Variants in PCDHGA1 observed in about 807,000 individuals in gnomAD.
PCDHGA1 encodes protocadherin gamma-A1.
Under a neutral mutation model 58.0 loss-of-function variants are expected in PCDHGA1, and 32 were observed. The ratio of observed to expected loss-of-function variants is 0.55; its 90% CI spans 0.42 to 0.74. The LOEUF is 0.74. PCDHGA1 is among the 30% of genes least tolerant of loss of function. The pLI is 0.00. For synonymous variants in PCDHGA1, 498 were observed against 501.1 expected (o/e 0.99, Z 0.08); for missense variants, 1,205 against 1,182.3 (o/e 1.02, Z -0.28).
intron 1 of PCDHGA1, chr5:141,376,102 C>G (rs1772284190): frequency 6.2e-7 from 1 of 1,613,506 alleles, no homozygotes; most frequent in Non-Finnish European, 8.5e-7. Flanking sequence ...ACATCCTGGC[C>G]GACCTGGGCA....
chr5:141,340,775 G>T, intron 1 of PCDHGA1: 1 of 1,613,858 alleles, frequency 6.2e-7, no homozygotes, highest in Non-Finnish European at 8.5e-7. Context: ...GGGCCAGAAC[G>T]CCTGGCTGTC....
In PCDHGA1 at chr5:141,332,704, G is replaced by A. The variant is rs1344067004; in HGVS notation, c.2020G>A (p.Asp674Asn). 6.2e-7 allele frequency: 1 copy of A among 1,613,906 alleles called. No individual in the cohort carries two copies. The highest frequency in any genetic ancestry group is 8.5e-7 in the Non-Finnish European group (1 of 1,179,956). ...CGACAGGATCTCCGACATCCTGGCC[G>A]ACCTGGGCAGCCTCGAGCCCTCCGC... ...VADRISDILA[D>N]LGSLEPSAKP... Residue 674 changes from aspartate to asparagine, a missense_variant, in exon 1 of 4, where the codon GAC becomes AAC. By Grantham distance (23) the Asp-to-Asn change is conservative (BLOSUM62 1). Coordinates refer to ENST00000517417, the MANE Select transcript of PCDHGA1 (RefSeq NM_018912.3). This position sits in a 1 kb window ranked among gnomAD's most constrained non-coding sequence, Gnocchi z 4.6.
At chr5:141,355,325 G>A in intron 1 of PCDHGA1, 1 of 1,614,010 alleles carries the variant, frequency 6.2e-7, no homozygotes, top group Non-Finnish European at 8.5e-7. Flanking sequence ...CAGGAAGAAG[G>A]CTCAGTGGTG....
chr5:141,374,976 C>A, intron 1 of PCDHGA1: 1 of 1,614,016 alleles, frequency 6.2e-7, no homozygotes, highest in Non-Finnish European at 8.5e-7. Context: ...AATGTTTTGA[C>A]TGGAGAAATT....
chr5:141,375,963 G>C (rs371650654), intron 1 of PCDHGA1: 4 of 1,613,262 alleles, frequency 2.5e-6, no homozygotes, highest in Non-Finnish European at 2.5e-6. Flanking sequence ...GGCGAGGTGC[G>C]CACGGCGCGC....
At chr5:141,419,665 C>T in intron 1 of PCDHGA1, 1 of 1,612,860 alleles carries the variant, frequency 6.2e-7, no homozygotes, top group East Asian at 2.2e-5. Flanking sequence ...GGCACAATGC[C>T]TGGCTGTCCT....
intron 1 of PCDHGA1, among the ~76,000 whole-genome samples, chr5:141,455,998 T>C (rs1301217416): frequency 2.6e-5 from 4 of 151,692 alleles, no homozygotes; most frequent in Non-Finnish European, 4.4e-5. Flanking sequence ...CTCGGGTTCA[T>C]GCCATTCTCC....
Position 141,404,273 on chromosome 5 carries a change from C to A in PCDHGA1, c.2421+71168C>A, listed in dbSNP as rs751189949. 4.3e-6 allele frequency: 7 copies of A among 1,613,988 alleles called. No homozygotes were observed. The highest frequency in any genetic ancestry group is 5.9e-6 in the Non-Finnish European group (7 of 1,179,880). On this transcript the variant is annotated intron_variant, in intron 1 of 3. Coordinates refer to ENST00000517417, the MANE Select transcript of PCDHGA1 (RefSeq NM_018912.3). ...GTCCACAGAAATTCACATCACCCTG[C>A]AAGTGACTGACATCAATGATAATCC...
At chr5:141,422,980 C>T in intron 1 of PCDHGA1, 1 of 1,614,232 alleles carries the variant, frequency 6.2e-7, no homozygotes, top group Middle Eastern at 1.7e-4. Flanking sequence ...CTCTGCGGAA[C>T]CTGGCTACCT....
chr5:141,494,751 G>A, intron 1 of PCDHGA1, 56 bp from the exon 2 acceptor site: 2 of 1,613,426 alleles, frequency 1.2e-6, no homozygotes, highest in Non-Finnish European at 8.5e-7. Flanking sequence ...AGGGGCTCGG[G>A]TGACATTCTA....
chr5:141,393,214 A>G, intron 1 of PCDHGA1: 1 of 1,613,636 alleles, frequency 6.2e-7, no homozygotes, highest in East Asian at 2.2e-5. Flanking sequence ...CCAAAATTCC[A>G]GGTCGAAGAT....
chr5:141,383,807 C>T, intron 1 of PCDHGA1: 7 of 1,613,926 alleles, frequency 4.3e-6, no homozygotes, highest in Non-Finnish European at 5.9e-6. Flanking sequence ...GAAATATCAA[C>T]TTTAGAAGGA....
In PCDHGA1 at chr5:141,489,053, G is replaced by C; in HGVS notation, c.2422-5754G>C. 1 of 473,650 alleles carries C rather than the reference G, an allele frequency of 2.1e-6. No homozygotes were observed. Among genetic ancestry groups the C allele is most frequent in the Non-Finnish European group, 3.7e-6 (1 of 270,732 alleles). The allele number at this position is 473,650 out of a possible 1,614,324, so 29.3% of individuals were successfully genotyped here. A position where few individuals can be genotyped will look rare whatever the true frequency, so the allele number is the denominator to read the frequency against. On this transcript the variant is annotated intron_variant, in intron 1 of 3. Transcript: ENST00000517417. The surrounding 1 kb of genome is among the most constrained non-coding windows in gnomAD (Gnocchi z 4.5). ...AGCTCCCCAGCTCCACTCAAATTCA[G>C]CTCCCCTCCCCCCTGCCCACCCCCG...
At chr5:141,375,485 G>C (rs1478417043) in intron 1 of PCDHGA1, 1 of 1,613,678 alleles carries the variant, frequency 6.2e-7, no homozygotes, top group African/African-American at 1.3e-5. Flanking sequence ...CAACCCCAGG[G>C]GTGCCTCCAT....
intron 1 of PCDHGA1, chr5:141,428,087 G>A (rs2097108117): frequency 6.2e-7 from 1 of 1,609,106 alleles, no homozygotes; most frequent in Non-Finnish European, 8.5e-7. Context: ...ACAACGCTTG[G>A]CTGTCCTACC....
chr5:141,353,047 T>C (rs62378415), intron 1 of PCDHGA1, among the ~76,000 whole-genome samples: 4,502 of 152,268 alleles, frequency 0.03, 79 homozygotes, highest in Middle Eastern at 0.088. Context: ...ATAAGTAATT[T>C]TGATTTTCTT....
rs746514228 is a variant in PCDHGA1, at chr5:141,351,319, A to T, written c.2421+18214A>T. Reference sequence around the variant, plus strand: ...TCATGTCCTTCTCTAACCAGATTCCAGAGGATTCAGACCTTGGAACTGTAA... The same window carrying T: ...TCATGTCCTTCTCTAACCAGATTCCTGAGGATTCAGACCTTGGAACTGTAA... On this transcript the variant is annotated intron_variant, in intron 1 of 3. Coordinates refer to ENST00000517417, the MANE Select transcript of PCDHGA1 (RefSeq NM_018912.3). The T allele has an allele frequency of 1.9e-6, 3 of 1,613,904 alleles. No homozygotes were observed. In the East Asian group the frequency reaches 6.7e-5, roughly 36 times the overall value.
In PCDHGA1 at chr5:141,491,276, A is replaced by G; in HGVS notation, c.2422-3531A>G. The G allele has an allele frequency of 6.2e-7, 1 of 1,614,104 alleles. No individual in the cohort carries two copies. On this transcript the variant is annotated intron_variant, in intron 1 of 3. Coordinates refer to ENST00000517417, the MANE Select transcript of PCDHGA1 (RefSeq NM_018912.3). The surrounding 1 kb of genome is among the most constrained non-coding windows in gnomAD (Gnocchi z 6.9). ...CCTGAGGAAATGCCCAAATCCAGTG[A>G]CTTCCTCATACACCCTCCTGAGCGT...
Position 141,393,015 on chromosome 5 carries a change from T to C in PCDHGA1, c.2421+59910T>C, listed in dbSNP as rs755462760. On this transcript the variant is annotated intron_variant, in intron 1 of 3. Transcript: ENST00000517417. The stretch of plus-strand genomic sequence containing the variant: ...GGCGAAGCACGGAGTCCGTATCGTC[T>C]CCAGAGGTAGGACGCAGCTCTTTGC... The C allele has an allele frequency of 7.9e-5, 127 of 1,613,696 alleles. No homozygotes were observed. The highest frequency in any genetic ancestry group is 1.1e-4 in the Non-Finnish European group (124 of 1,179,874).
Sources: allele counts gnomAD v4.1 joint callset (sites outside exome capture counted in the v4.1 genomes callset), GRCh38; gene constraint gnomAD v4.1.1; non-coding constraint Gnocchi (gnomAD v3.1); transcripts MANE v1.5; gene names NCBI Gene and HGNC (gene_info 2026-07-23, HGNC 2026-07-21).